Variants in GLRB observed in about 807,000 individuals in gnomAD.
GLRB encodes glycine receptor beta, also known as glycine receptor subunit beta.
In GLRB, 33 loss-of-function variants were observed where a neutral mutation model predicts 54.2. The observed-to-expected ratio is 0.61, with a 90% CI of 0.46 to 0.81. The LOEUF is 0.81. Ranked by LOEUF, GLRB falls within the 40% of genes least tolerant of loss-of-function variation. The probability of loss-of-function intolerance (pLI) is 0.00; values close to 1 mark genes in which losing one functional copy is unlikely to be tolerated. For synonymous variants in GLRB, 209 were observed against 208.2 expected (o/e 1.00, Z -0.03); for missense variants, 572 against 584.6 (o/e 0.98, Z 0.22).
chr4:157,137,388 A>AG (rs1736441443), intron 6 of GLRB, among the ~76,000 whole-genome samples: 1 of 152,032 alleles, frequency 6.6e-6, no homozygotes, highest in Non-Finnish European at 1.5e-5. Flanking sequence ...AAGGTACCCT[A>AG]GGTGTATTAA....
intron 2 of GLRB, chr4:157,084,741 T>G (rs2126430716): frequency 2.2e-6 from 1 of 455,268 alleles, no homozygotes; most frequent in African/African-American, 2.0e-5. Context: ...TACTGTTGAT[T>G]ATTCATTGAT....
At chr4:157,108,976 T>G (rs2126502006) in intron 2 of GLRB, among the ~76,000 whole-genome samples, 2 of 152,220 alleles carry the variant, frequency 1.3e-5, no homozygotes, top group South Asian at 4.1e-4. Flanking sequence ...AGATGAAACC[T>G]TGTTTAAAGC....
intron 3 of GLRB, 130 bp downstream of exon 3, chr4:157,120,792 A>C: frequency 1.9e-6 from 1 of 529,928 alleles, no homozygotes; most frequent in Non-Finnish European, 3.5e-6. Context: ...AGTGATATAT[A>C]ACAAAAATGT....
intron 9 of GLRB, among the ~76,000 whole-genome samples, chr4:157,163,117 G>A (rs546454321): frequency 7.4e-4 from 112 of 152,304 alleles, no homozygotes; most frequent in Non-Finnish European, 1.4e-3. Context: ...GGCTCCGTGG[G>A]CATGGGACCC....
intron 2 of GLRB, among the ~76,000 whole-genome samples, chr4:157,117,347 G>GTAA (rs1735644003): frequency 6.6e-6 from 1 of 151,554 alleles, no homozygotes; most frequent in Admixed American, 6.6e-5. Context: ...GTACTCTACA[G>GTAA]GTTCATTTAC....
At chr4:157,127,834 T>C (rs1579221266) in intron 4 of GLRB, among the ~76,000 whole-genome samples, 1 of 151,848 alleles carries the variant, frequency 6.6e-6, no homozygotes, top group African/African-American at 2.4e-5. Context: ...GACAGAACAA[T>C]TGACTTCAGC....
chr4:157,121,462 T>C (rs980747968), intron 3 of GLRB, among the ~76,000 whole-genome samples: 4 of 151,382 alleles, frequency 2.6e-5, no homozygotes. Context: ...CTTGATTTTT[T>C]TTTTTTTTGC....
chr4:157,160,929 G>T (rs1737460306), intron 9 of GLRB, among the ~76,000 whole-genome samples: 2 of 152,062 alleles, frequency 1.3e-5, no homozygotes, highest in Non-Finnish European at 2.9e-5. Context: ...GTTGACAGTG[G>T]GGTGTTAAAG....
At chr4:157,113,094 T>G (rs893452935) in intron 2 of GLRB, among the ~76,000 whole-genome samples, 2 of 151,918 alleles carry the variant, frequency 1.3e-5, no homozygotes, top group Non-Finnish European at 2.9e-5. Flanking sequence ...GTTTTTCAAT[T>G]ATACCCACAT....
chr4:157,108,135 G>C (rs1314935157), intron 2 of GLRB, among the ~76,000 whole-genome samples: 2 of 152,028 alleles, frequency 1.3e-5, no homozygotes, highest in South Asian at 4.1e-4. Context: ...AATGCACCTG[G>C]TCACCCAAGA....
intron 2 of GLRB, among the ~76,000 whole-genome samples, chr4:157,083,805 A>G (rs966090312): frequency 3.3e-5 from 5 of 152,266 alleles, no homozygotes; most frequent in African/African-American, 1.2e-4. Context: ...TTAAGGTTTG[A>G]AATTTCATGA....
intron 7 of GLRB, among the ~76,000 whole-genome samples, chr4:157,141,513 G>T (rs1437120263): frequency 2.6e-5 from 4 of 151,718 alleles, no homozygotes; most frequent in Admixed American, 2.6e-4. Context: ...GCTTTTTTAT[G>T]ATTATAGAAG....
chr4:157,105,527 A>G (rs887159147), intron 2 of GLRB, among the ~76,000 whole-genome samples: 5 of 151,496 alleles, frequency 3.3e-5, no homozygotes, highest in African/African-American at 9.7e-5. Context: ...ATTTTTTTTT[A>G]TATTTGGTTT....
intron 2 of GLRB, among the ~76,000 whole-genome samples, chr4:157,106,468 G>A (rs546767433): frequency 9.3e-4 from 142 of 152,208 alleles, no homozygotes; most frequent in Non-Finnish European, 4.7e-4. Flanking sequence ...GAGTAGATGG[G>A]CATGCAAGTT....
At chr4:157,158,585 G>C (rs1452057846) in intron 9 of GLRB, among the ~76,000 whole-genome samples, 1 of 152,200 alleles carries the variant, frequency 6.6e-6, no homozygotes, top group Non-Finnish European at 1.5e-5. Flanking sequence ...TTATTAAATA[G>C]AGATTCATTT....
chr4:157,136,759 A>G (rs746402662), intron 5 of GLRB, 45 bp from the exon 6 acceptor site: 4 of 1,496,632 alleles, frequency 2.7e-6, no homozygotes, highest in South Asian at 1.1e-5. Context: ...AATGGATGAC[A>G]GAGAAGTATA....
At chr4:157,114,488 T>A (rs1320678672) in intron 2 of GLRB, among the ~76,000 whole-genome samples, 4 of 151,858 alleles carry the variant, frequency 2.6e-5, no homozygotes, top group African/African-American at 9.7e-5. Flanking sequence ...TTTTATTTAT[T>A]TTTTACAATT....
intron 3 of GLRB, among the ~76,000 whole-genome samples, chr4:157,121,316 T>C (rs1735809790): frequency 6.6e-6 from 1 of 151,718 alleles, no homozygotes; most frequent in South Asian, 2.1e-4. Context: ...GAGCAGATTG[T>C]GCAGTTGTAG....
intron 8 of GLRB, among the ~76,000 whole-genome samples, chr4:157,145,894 G>A (rs1242592813): frequency 1.3e-5 from 2 of 152,064 alleles, no homozygotes; most frequent in African/African-American, 4.8e-5. Context: ...GGACATTGGG[G>A]GAACAAGGAG....
Sources: allele counts gnomAD v4.1 joint callset (sites outside exome capture counted in the v4.1 genomes callset), GRCh38; gene constraint gnomAD v4.1.1; transcripts MANE v1.5; gene names NCBI Gene and HGNC (gene_info 2026-07-23, HGNC 2026-07-21).